The following CHN2 variants were observed in gnomAD, a reference collection of about 807,000 sequenced individuals.
CHN2 encodes beta-chimaerin.
In CHN2, 35 loss-of-function variants were observed where a neutral mutation model predicts 56.3. The observed-to-expected ratio is 0.62, with a 90% CI of 0.47 to 0.82. CHN2 has a LOEUF of 0.82. Among genes scored for constraint, CHN2 ranks in the 40% least tolerant of loss-of-function variants. The pLI is 0.00. For missense variants in CHN2, 491 were observed against 580.5 expected (o/e 0.85, Z 1.58); for synonymous variants, 210 against 212.8 (o/e 0.99, Z 0.12).
chr7:29,374,672 A>C (rs1171037867), intron 3 of CHN2, among the ~76,000 whole-genome samples: 1 of 152,234 alleles, frequency 6.6e-6, no homozygotes, highest in African/African-American at 2.4e-5. Flanking sequence ...AGAACAGTAC[A>C]TATGCCAAGA....
chr7:29,228,030 A>G (rs951655427), intron 1 of CHN2, among the ~76,000 whole-genome samples: 1 of 152,068 alleles, frequency 6.6e-6, no homozygotes, highest in South Asian at 2.1e-4. Flanking sequence ...TCTCAGCCCT[A>G]TATATTTTCT....
intron 1 of CHN2, among the ~76,000 whole-genome samples, chr7:29,291,961 C>G (rs541375047): frequency 2.4e-4 from 36 of 152,270 alleles, no homozygotes; most frequent in African/African-American, 8.2e-4. Context: ...GCTATAAATA[C>G]AAAGAGAAGG....
At chr7:29,496,860 G>A (rs1298980818) in intron 8 of CHN2, among the ~76,000 whole-genome samples, 1 of 152,134 alleles carries the variant, frequency 6.6e-6, no homozygotes, top group African/African-American at 2.4e-5. Context: ...GTGGCTGGGA[G>A]CAAGACCAGC....
At chr7:29,491,420 T>A (rs5883216) in intron 7 of CHN2, among the ~76,000 whole-genome samples, 52,840 of 127,934 alleles carry the variant, frequency 0.41, 9,467 homozygotes, top group African/African-American at 0.5. Context: ...TGTGTGTGTG[T>A]GAGAGAGAGA....
chr7:29,157,006 ACC>A (rs1261062207), intron 2 of CHN2, among the ~76,000 whole-genome samples: 1 of 152,002 alleles, frequency 6.6e-6, no homozygotes, highest in East Asian at 1.9e-4. Context: ...GGTCCACCCT[ACC>A]CCCACTTGAT....
intron 1 of CHN2, among the ~76,000 whole-genome samples, chr7:29,201,523 C>G (rs1171437073): frequency 6.6e-6 from 1 of 152,070 alleles, no homozygotes; most frequent in Non-Finnish European, 1.5e-5. Context: ...CCTCAGATCT[C>G]CAGGCTGTTG....
chr7:29,275,560 A>G (rs1791126307), intron 1 of CHN2, among the ~76,000 whole-genome samples: 2 of 152,254 alleles, frequency 1.3e-5, no homozygotes, highest in African/African-American at 4.8e-5. Context: ...CACAACTAGT[A>G]AGAACAATTG....
chr7:29,159,915 C>A (rs35826549), intron 2 of CHN2, among the ~76,000 whole-genome samples: 21,931 of 152,112 alleles, frequency 0.14, 1,999 homozygotes, highest in African/African-American at 0.25. Context: ...TGTGGAAGGA[C>A]GTAATTAATT....
intron 1 of CHN2, among the ~76,000 whole-genome samples, chr7:29,255,668 CAAGTTCAG>C (rs1296202898): frequency 6.6e-6 from 1 of 152,162 alleles, no homozygotes; most frequent in Non-Finnish European, 1.5e-5. Flanking sequence ...CTGGGTGACT[CAAGTTCAG>C]AATGGGTTTT....
At chr7:29,389,672 A>G (rs892758202) in intron 3 of CHN2, among the ~76,000 whole-genome samples, 20 of 152,338 alleles carry the variant, frequency 1.3e-4, no homozygotes, top group African/African-American at 4.6e-4. Context: ...CAACAGGGAT[A>G]TAAGTGGCAT....
At position 29,317,153 on chromosome 7, in the gene CHN2, G is replaced by A. The variant is rs567721902; in HGVS notation, c.50-37472G>A. 7.9e-5 allele frequency among the ~76,000 whole-genome samples: 12 copies of A among 152,314 alleles called. No individual in the cohort carries two copies. In the East Asian group the frequency reaches 2.3e-3, roughly 29 times the overall value. On this transcript the variant is annotated intron_variant, in intron 1 of 12. Transcript: ENST00000222792. The stretch of plus-strand genomic sequence containing the variant: ...CACAGTTATGTTTAAATTAAATTAA[G>A]TGGGCACCAAGGGATAGAAGTAGAT...
intron 12 of CHN2, among the ~76,000 whole-genome samples, chr7:29,510,912 AC>A (rs1410093741): frequency 6.6e-6 from 1 of 150,768 alleles, no homozygotes; most frequent in Non-Finnish European, 1.5e-5. Context: ...TTTATGGGAC[AC>A]TAGAACCTCT....
chr7:29,183,956 A>T (rs1006791595), intron 2 of CHN2, among the ~76,000 whole-genome samples: 12 of 152,166 alleles, frequency 7.9e-5, no homozygotes, highest in Non-Finnish European at 1.6e-4. Flanking sequence ...TAGCATTTAC[A>T]TAGTATAGGT....
chr7:29,410,244 G>A lies in CHN2; in HGVS notation c.576+9416G>A, dbSNP rs76191430. On this transcript the variant is annotated intron_variant, in intron 6 of 12. Transcript: ENST00000222792. The stretch of plus-strand genomic sequence containing the variant: ...GTTTATATTTTAGTTGGGCTTAATC[G>A]TAGGAACAGTGTTGGTAGATTTAGG... 6.6e-5 allele frequency among the ~76,000 whole-genome samples: 10 copies of A among 152,224 alleles called. No individual in the cohort carries two copies. The South Asian group carries it at 1.9e-3, about 28-fold the overall frequency.
At chr7:29,302,647 G>A (rs891928073) in intron 1 of CHN2, among the ~76,000 whole-genome samples, 1 of 151,720 alleles carries the variant, frequency 6.6e-6, no homozygotes, top group African/African-American at 2.4e-5. Context: ...CCATTTTTAA[G>A]TGTACAGTTT....
intron 1 of CHN2, among the ~76,000 whole-genome samples, chr7:29,220,278 A>AG (rs1554366761): frequency 5.0e-3 from 188 of 37,746 alleles, no homozygotes; most frequent in African/African-American, 0.027. Context: ...TTAAAAAAAA[A>AG]AAAGAGAGAG....
chr7:29,473,765 T>G (rs1227696157), intron 6 of CHN2, among the ~76,000 whole-genome samples: 2 of 152,162 alleles, frequency 1.3e-5, no homozygotes. Context: ...CAGATTTAGT[T>G]GTAGAATAGC....
intron 1 of CHN2, among the ~76,000 whole-genome samples, chr7:29,205,340 G>A (rs571859429): frequency 1.9e-4 from 29 of 152,288 alleles, no homozygotes; most frequent in Non-Finnish European, 3.1e-4. Flanking sequence ...CAAGGGTGGC[G>A]TTGTGTTATA....
intron 8 of CHN2, among the ~76,000 whole-genome samples, chr7:29,497,021 C>G (rs78124570): frequency 6.6e-6 from 1 of 152,032 alleles, no homozygotes; most frequent in Non-Finnish European, 1.5e-5. Flanking sequence ...CACAGCATCC[C>G]GTAAACCCTA....
Sources: allele counts gnomAD v4.1 joint callset (sites outside exome capture counted in the v4.1 genomes callset), GRCh38; gene constraint gnomAD v4.1.1; transcripts MANE v1.5; gene names NCBI Gene and HGNC (gene_info 2026-07-23, HGNC 2026-07-21).